Variants in CDC23 observed in about 807,000 individuals in gnomAD.
CDC23 encodes the protein cell division cycle protein 23 homolog.
In CDC23, 26 loss-of-function variants were observed where a neutral mutation model predicts 81.7. That is an observed-to-expected ratio of 0.32 (90% CI 0.23 to 0.44). The LOEUF (loss-of-function observed/expected upper bound fraction) is 0.44. Among genes scored for constraint, CDC23 ranks in the 20% least tolerant of loss-of-function variants. CDC23 has a pLI of 1.00. For missense variants in CDC23, 519 were observed against 728.0 expected, an observed-to-expected ratio of 0.71 and a Z score of 3.30; for synonymous variants, 267 against 270.8, an observed-to-expected ratio of 0.99 and a Z score of 0.14.
intron 9 of CDC23, among the ~76,000 whole-genome samples, chr5:138,194,034 TA>T (rs1754856944): frequency 6.6e-6 from 1 of 151,976 alleles, no homozygotes; most frequent in South Asian, 2.1e-4. Flanking sequence ...TCATTGGTCT[TA>T]AAAAGTGGAA....
chr5:138,201,478 G>A, intron 4 of CDC23, 30 bp from the exon 5 acceptor site: 1 of 1,394,378 alleles, frequency 7.2e-7, no homozygotes, highest in Non-Finnish European at 9.9e-7. Context: ...TCTGTTCTAA[G>A]GTTAGGATGC....
At chr5:138,212,661 ATCCTTATAATAAT>A (rs1361525491) in intron 2 of CDC23, among the ~76,000 whole-genome samples, 10 of 152,170 alleles carry the variant, frequency 6.6e-5, no homozygotes, top group African/African-American at 2.4e-4. Flanking sequence ...ATTATGAGAT[ATCCTTATAATAAT>A]TCCTTATAAT....
intron 2 of CDC23, among the ~76,000 whole-genome samples, chr5:138,209,470 C>G (rs1364881947): frequency 6.6e-6 from 1 of 150,874 alleles, no homozygotes; most frequent in African/African-American, 2.4e-5. Flanking sequence ...AAGTCCAAGA[C>G]AAAGGATAAC....
intron 15 of CDC23, 65 bp downstream of exon 15, chr5:138,189,568 T>A: frequency 6.5e-7 from 1 of 1,529,112 alleles, no homozygotes; most frequent in Non-Finnish European, 8.9e-7. Context: ...AAGGTAGGCT[T>A]TCCACTTAAA....
At chr5:138,202,187 T>A (rs749362524) in intron 3 of CDC23, 32 bp from the exon 4 acceptor site, 1 of 1,552,536 alleles carries the variant, frequency 6.4e-7, no homozygotes, top group East Asian at 2.3e-5. Flanking sequence ...TAGGTCTTTT[T>A]TCAGTTTATT....
intron 3 of CDC23, among the ~76,000 whole-genome samples, chr5:138,205,707 A>AC (rs1561637147): frequency 6.6e-6 from 1 of 152,066 alleles, no homozygotes; most frequent in African/African-American, 2.4e-5. Context: ...AAAAAAAAAA[A>AC]AAAAACAAAG....
rs756246293 is a variant in CDC23 at position 138,189,082 on chromosome 5, T to C, written c.1690A>G (p.Thr564Ala). 14 of 1,613,996 alleles carry C rather than the reference T, an allele frequency of 8.7e-6. No homozygotes were observed. The highest frequency in any genetic ancestry group is 4.0e-5 in the African/African-American group (3 of 74,924). Residue 564 changes from threonine to alanine, a missense_variant, in exon 16 of 16, where the codon ACC becomes GCC. Physicochemically the swap from Thr to Ala is moderately conservative, Grantham distance 58 (BLOSUM62 0). This residue lies in a region of CDC23 where 175 missense variants were observed against 337.8 expected (regional missense o/e 0.52). Transcript: ENST00000394886. ...LQLRNQGETP[T>A]TEVPAPFFLP... ...AAAAAGGGAGCAGGCACCTCGGTGGTAGGAGTCTCGCCTTGGTTCCGAAGC... is the reference window on the plus strand; with the variant it reads ...AAAAAGGGAGCAGGCACCTCGGTGGCAGGAGTCTCGCCTTGGTTCCGAAGC...
chr5:138,192,529 T>A lies in CDC23; in HGVS notation c.1141A>T (p.Thr381Ser). The A allele has an allele frequency of 6.2e-7, 1 of 1,614,134 alleles. No individual in the cohort carries two copies. Among genetic ancestry groups the A allele is most frequent in the Non-Finnish European group, 8.5e-7 (1 of 1,180,020 alleles). The change falls in exon 10 of 16, where the codon ACG becomes TCG. Residue 381 changes from threonine to serine, a missense_variant. Thr to Ser is a moderately conservative substitution (Grantham distance 58). This residue lies in a region of CDC23 where 175 missense variants were observed against 337.8 expected (regional missense o/e 0.52). Transcript: ENST00000394886. Reference sequence around the variant, plus strand: ...CTATAAGCCTGGATAGCAGCAGACGTGTTCTTCATCTCCATGTACTCATGT... The same window carrying A: ...CTATAAGCCTGGATAGCAGCAGACGAGTTCTTCATCTCCATGTACTCATGT... ...MGHEYMEMKN[T>S]SAAIQAYRHA...
chr5:138,193,955 T>C (rs1346127491), intron 9 of CDC23, among the ~76,000 whole-genome samples: 4 of 144,804 alleles, frequency 2.8e-5, no homozygotes, highest in African/African-American at 7.8e-5. Flanking sequence ...CAAAACTCCG[T>C]CTCCAAAAAA....
intron 4 of CDC23, 108 bp from the exon 5 acceptor site, chr5:138,201,556 A>G: frequency 1.3e-6 from 1 of 776,840 alleles, no homozygotes; most frequent in Non-Finnish European, 2.0e-6. Flanking sequence ...TATGTTCCCT[A>G]GGCTGGTCTC....
At chr5:138,210,475 G>A (rs901520003) in intron 2 of CDC23, among the ~76,000 whole-genome samples, 5 of 152,128 alleles carry the variant, frequency 3.3e-5, no homozygotes, top group Admixed American at 6.5e-5. Context: ...GCAGTGAGCC[G>A]AGATCAAACT....
chr5:138,191,179 G>A (rs1204228551), intron 13 of CDC23, among the ~76,000 whole-genome samples: 2 of 151,906 alleles, frequency 1.3e-5, no homozygotes, highest in South Asian at 2.1e-4. Context: ...GCAATGGCGC[G>A]ATCTCGGCTC....
rs1157278794 is a variant in CDC23, at chr5:138,199,119, TGTGA to T, written c.655-341_655-338del. ...GGAGAGGCAAAACAGTCATGATGATTGTGAGTGAGTAGGACAAAGAAACTAGCTT... is the reference window on the plus strand; with the variant it reads ...GGAGAGGCAAAACAGTCATGATGATTGTGAGTAGGACAAAGAAACTAGCTT... On this transcript the variant is annotated intron_variant, in intron 6 of 15. Transcript: ENST00000394886. 6.6e-5 allele frequency among the ~76,000 whole-genome samples: 10 copies of T among 152,112 alleles called. No homozygotes were observed. In the East Asian group the frequency reaches 1.7e-3, roughly 26 times the overall value.
chr5:138,201,221 TC>T lies in CDC23; in HGVS notation c.539del (p.Arg180GlnfsTer28). On this transcript the variant is annotated frameshift_variant, in exon 6 of 16. Coordinates refer to ENST00000394886, the MANE Select transcript of CDC23 (RefSeq NM_004661.4). LOFTEE classifies it high-confidence loss of function. ...FGLYLYGVVL[R>X]KLDLVKEAID... is the part of the protein sequence containing the mutation. ...TGGCCTCTTTAACCAAGTCCAGTTT[TC>T]GAAGCACCACACCATACCTGGGAAA... 1 of 1,614,222 alleles carries T rather than the reference TC, an allele frequency of 6.2e-7. No homozygotes were observed. The highest frequency in any genetic ancestry group is 8.5e-7 in the Non-Finnish European group (1 of 1,180,052).
Position 138,189,075 on chromosome 5 carries a change from T to G in CDC23, c.1697A>C (p.Glu566Ala). 1 of 1,614,104 alleles carries G rather than the reference T, an allele frequency of 6.2e-7. No homozygotes were observed. Among genetic ancestry groups the G allele is most frequent in the Non-Finnish European group, 8.5e-7 (1 of 1,179,996 alleles). The stretch of plus-strand genomic sequence containing the variant: ...AGGTAGGAAAAAGGGAGCAGGCACC[T>G]CGGTGGTAGGAGTCTCGCCTTGGTT... Reference protein sequence around the residue: ...LRNQGETPTTEVPAPFFLPAS... With the variant: ...LRNQGETPTTAVPAPFFLPAS... The change falls in exon 16 of 16, where the codon GAG becomes GCG. Residue 566 changes from glutamate to alanine, a missense_variant. Glu to Ala is a moderately radical substitution (Grantham distance 107). Around this residue, in one of 4 missense-constraint regions of CDC23, gnomAD observed 175 missense variants for 337.8 expected, o/e 0.52. Coordinates refer to ENST00000394886, the MANE Select transcript of CDC23 (RefSeq NM_004661.4).
intron 13 of CDC23, among the ~76,000 whole-genome samples, chr5:138,190,513 C>T (rs1186841528): frequency 6.6e-6 from 1 of 151,784 alleles, no homozygotes; most frequent in Non-Finnish European, 1.5e-5. Context: ...CCTGTAATCC[C>T]AGCACTTTGG....
intron 9 of CDC23, among the ~76,000 whole-genome samples, chr5:138,196,636 A>G (rs894080300): frequency 2.9e-4 from 43 of 148,300 alleles, no homozygotes; most frequent in African/African-American, 1.1e-3. Flanking sequence ...GCTGGAGTGC[A>G]GTGGCACGAT....
Position 138,202,139 on chromosome 5 carries a change from T to C in CDC23, c.389A>G (p.Lys130Arg). ...YSRYLSGEKKKDDETVDSLGP... is the reference protein window; with the variant it reads ...YSRYLSGEKKRDDETVDSLGP... ...TAAGCTATCAACTGTTTCATCGTCC[T>C]TCTTTTTTTCTCCAGACTGTAAGAG... The change falls in exon 4 of 16, where the codon AAG (lysine) becomes AGG (arginine). Residue 130 changes from lysine to arginine, a missense_variant. By Grantham distance (26) the Lys-to-Arg change is conservative. Coordinates refer to ENST00000394886, the MANE Select transcript of CDC23 (RefSeq NM_004661.4). The C allele has an allele frequency of 6.2e-7, 1 of 1,611,376 alleles. No individual in the cohort carries two copies. Among genetic ancestry groups the C allele is most frequent in the Non-Finnish European group, 8.5e-7 (1 of 1,178,564 alleles).
At chr5:138,190,820 A>G (rs1482006929) in intron 13 of CDC23, among the ~76,000 whole-genome samples, 1 of 152,018 alleles carries the variant, frequency 6.6e-6, no homozygotes, top group Non-Finnish European at 1.5e-5. Flanking sequence ...GCTGAGACCA[A>G]TGACTTCAAG....
Sources: gnomAD v4.1 joint callset for allele counts (sites outside exome capture counted in the v4.1 genomes callset) on GRCh38, gnomAD v4.1.1 for gene constraint, gnomAD v4.1.1 regional missense constraint, MANE v1.5 for transcripts, NCBI Gene and HGNC (gene_info 2026-07-23, HGNC 2026-07-21) for gene names.